The following IRAG1 variants were observed in gnomAD, a reference collection of about 807,000 sequenced individuals.
IRAG1 encodes the protein inositol 1,4,5-triphosphate receptor associated 1.
IRAG1 carries 62 observed loss-of-function variants against 106.2 expected under a neutral mutation model. That is an observed-to-expected ratio of 0.58 (90% confidence interval 0.48 to 0.72). The LOEUF is 0.72. Ranked by LOEUF, IRAG1 falls within the 30% of genes least tolerant of loss-of-function variation. The pLI is 0.00. For missense variants in IRAG1, 1,064 were observed against 1,140.7 expected, an observed-to-expected ratio of 0.93 and a Z score of 0.97; for synonymous variants, 462 against 443.9, an observed-to-expected ratio of 1.04 and a Z score of -0.51.
chr11:10,628,686 T>C lies in IRAG1; in HGVS notation c.652+65A>G, dbSNP rs1024354060. ...GCAGGCTGGGAGGCATGCTGATCTGTCCAGGCTGAGCTGCCACCCAGAGCG... is the reference window on the plus strand; with the variant it reads ...GCAGGCTGGGAGGCATGCTGATCTGCCCAGGCTGAGCTGCCACCCAGAGCG... On this transcript the variant is annotated intron_variant, in intron 6 of 20. Coordinates refer to ENST00000423302, the MANE Select transcript of IRAG1 (RefSeq NM_130385.4). The surrounding 1 kb of genome is among the most constrained non-coding windows in gnomAD (Gnocchi z 4.1). 1 of 1,352,026 alleles carries C rather than the reference T, an allele frequency of 7.4e-7. No individual in the cohort carries two copies. The highest frequency in any genetic ancestry group is 1.5e-5 in the African/African-American group (1 of 66,218). The allele number at this position is 1,352,026 out of a possible 1,614,324, so 83.8% of individuals were successfully genotyped here.
At chr11:10,643,591 ATCCTCCCTTCCT>A (rs945497220) in intron 2 of IRAG1, among the ~76,000 whole-genome samples, 1 of 152,088 alleles carries the variant, frequency 6.6e-6, no homozygotes, top group Non-Finnish European at 1.5e-5. Context: ...CATATCTACT[ATCCTCCCTTCCT>A]TCCTCCCTTC....
chr11:10,637,188 A>G (rs1035691), intron 2 of IRAG1, among the ~76,000 whole-genome samples: 97,232 of 152,028 alleles, frequency 0.64, 31,650 homozygotes, highest in East Asian at 0.98. Context: ...TAGAACATCT[A>G]TCATCCCCTA....
At position 10,581,904 on chromosome 11, in the gene IRAG1, T is replaced by A; in HGVS notation, c.2323A>T (p.Thr775Ser). 1 of 1,613,872 alleles carries A rather than the reference T, an allele frequency of 6.2e-7. No homozygotes were observed. The highest frequency in any genetic ancestry group is 8.5e-7 in the Non-Finnish European group (1 of 1,179,802). ...GCTTCTTCCTCCATCCTGGCCTTGGTCTCCTGACTAAGCTCCTCCAGGCAG... is the reference window on the plus strand; with the variant it reads ...GCTTCTTCCTCCATCCTGGCCTTGGACTCCTGACTAAGCTCCTCCAGGCAG... ...LSCLEELSQE[T>S]KARMEEEAYS... The change falls in exon 19 of 21, where the codon ACC (threonine) becomes TCC (serine). Residue 775 changes from threonine to serine, a missense_variant. Transcript: ENST00000423302.
In IRAG1 at chr11:10,647,637, G is replaced by T. The variant is rs1018326769; in HGVS notation, c.225+4388C>A. On this transcript the variant is annotated intron_variant, in intron 2 of 20. Transcript: ENST00000423302. The surrounding 1 kb of genome is among the most constrained non-coding windows in gnomAD (Gnocchi z 4.3). ...TCTTACAGCTAACATGAGCCTCTTT[G>T]TACCCTCAGGTTTACAAGGCACTTC... 2.0e-5 allele frequency among the ~76,000 whole-genome samples: 3 copies of T among 152,148 alleles called. No individual in the cohort carries two copies. Among genetic ancestry groups the T allele is most frequent in the African/African-American group, 7.2e-5 (3 of 41,436 alleles).
Position 10,628,858 on chromosome 11 carries a change from T to C in IRAG1, c.575-30A>G. The C allele has an allele frequency of 6.4e-7, 1 of 1,555,116 alleles. No individual in the cohort carries two copies. Among genetic ancestry groups the C allele is most frequent in the Non-Finnish European group, 8.7e-7 (1 of 1,149,904 alleles). On this transcript the variant is annotated intron_variant, in intron 5 of 20. Transcript: ENST00000423302. This position sits in a 1 kb window ranked among gnomAD's most constrained non-coding sequence, Gnocchi z 4.1. Reference sequence around the variant, plus strand: ...GAAGACAGACACAAATTGGCTGGCATTCATGAAGGTTTAGGACTTCAACCT... The same window carrying C: ...GAAGACAGACACAAATTGGCTGGCACTCATGAAGGTTTAGGACTTCAACCT...
intron 1 of IRAG1, among the ~76,000 whole-genome samples, chr11:10,667,141 G>GTT (rs1248005015): frequency 7.3e-6 from 1 of 137,836 alleles, no homozygotes; most frequent in African/African-American, 2.6e-5. Context: ...TTTTTTTTTC[G>GTT]TTTTTTTGTT....
intron 15 of IRAG1, among the ~76,000 whole-genome samples, chr11:10,598,186 G>T (rs752742708): frequency 6.6e-6 from 1 of 152,110 alleles, no homozygotes; most frequent in Non-Finnish European, 1.5e-5. Context: ...CAGACCACAG[G>T]CAAGTGCAAA....
In IRAG1 at chr11:10,598,986, G is replaced by A. The variant is rs535635270; in HGVS notation, c.2017+1932C>T. 1.6e-3 allele frequency among the ~76,000 whole-genome samples: 242 copies of A among 152,334 alleles called. 1 individual carries two copies. The highest frequency in any genetic ancestry group is 5.5e-3 in the African/African-American group (229 of 41,586). ...GGGAACAGTCATAGAGTATCTTATG[G>A]AAACACCTGCTGAGTGGTTACGGCC... is the stretch of plus-strand genomic sequence containing the variant. On this transcript the variant is annotated intron_variant, in intron 15 of 20. Transcript: ENST00000423302.
Position 10,617,696 on chromosome 11 carries a change from C to T in IRAG1, c.1447+6082G>A, listed in dbSNP as rs138008002. 3.2e-3 allele frequency among the ~76,000 whole-genome samples: 488 copies of T among 152,290 alleles called. 3 individuals are homozygous for T. Among genetic ancestry groups the T allele is most frequent in the African/African-American group, 0.011 (466 of 41,548 alleles). ...GTCTTCCTTCTCAAGCAAACTCCTC[C>T]TCCTGTCTCACAATTCATCACCCTC... On this transcript the variant is annotated intron_variant, in intron 10 of 20. Transcript: ENST00000423302.
At chr11:10,625,852 G>T in intron 9 of IRAG1, 114 bp downstream of exon 9, 1 of 1,113,444 alleles carries the variant, frequency 9.0e-7, no homozygotes, top group Non-Finnish European at 1.2e-6. Context: ...CCCTCACAAG[G>T]CCCAAGTCCA....
intron 1 of IRAG1, among the ~76,000 whole-genome samples, chr11:10,680,512 A>AGG (rs1554935765): frequency 7.6e-6 from 1 of 131,692 alleles, no homozygotes; most frequent in Admixed American, 7.3e-5. Context: ...AGAAAGGGAA[A>AGG]AAGAAAGGAA....
rs147855349 is a variant in IRAG1 at position 10,633,229 on chromosome 11, C to T, written c.329+739G>A. Among the ~76,000 whole-genome samples, 1,378 of 152,126 alleles carry T rather than the reference C, an allele frequency of 9.1e-3. 10 individuals are homozygous for T. Among genetic ancestry groups the T allele is most frequent in the African/African-American group, 0.028 (1,153 of 41,496 alleles). On this transcript the variant is annotated intron_variant, in intron 3 of 20. Transcript: ENST00000423302. ...AGCTGGGACTACAGGCGCCCGCCAC[C>T]ACACCCGGCTAATTTTTCTGTATTT...
At chr11:10,593,620 A>G (rs769729057) in intron 16 of IRAG1, 21 bp from the exon 17 acceptor site, 1 of 1,576,694 alleles carries the variant, frequency 6.3e-7, no homozygotes, top group East Asian at 2.2e-5. Flanking sequence ...AGAAGTGACC[A>G]GGCTCACTGT....
chr11:10,687,684 T>A (rs1861762336), intron 1 of IRAG1: 1 of 1,287,054 alleles, frequency 7.8e-7, no homozygotes, highest in African/African-American at 1.5e-5. Flanking sequence ...AGTCCACCAC[T>A]CTCCTTGCGG....
intron 2 of IRAG1, among the ~76,000 whole-genome samples, chr11:10,634,461 A>G (rs921691202): frequency 6.6e-6 from 1 of 152,174 alleles, no homozygotes. Flanking sequence ...TATTAACTAC[A>G]GTCACCGTGC....
At chr11:10,680,896 A>G (rs975374690) in intron 1 of IRAG1, among the ~76,000 whole-genome samples, 2 of 152,220 alleles carry the variant, frequency 1.3e-5, no homozygotes, top group Admixed American at 6.5e-5. Context: ...TATGTTACCT[A>G]TAATGCATAA....
chr11:10,663,332 T>C (rs138324232), intron 1 of IRAG1, among the ~76,000 whole-genome samples: 350 of 152,290 alleles, frequency 2.3e-3, no homozygotes, highest in African/African-American at 8.1e-3. Flanking sequence ...TTCCTAGTTT[T>C]CTTCTAGGAA....
chr11:10,690,350 G>A (rs1166228458), intron 1 of IRAG1: 3 of 1,265,538 alleles, frequency 2.4e-6, no homozygotes. Flanking sequence ...TCCAGCCTGG[G>A]TGACAGTGCG....
At chr11:10,672,524 C>T (rs1860317957) in intron 1 of IRAG1, among the ~76,000 whole-genome samples, 1 of 152,102 alleles carries the variant, frequency 6.6e-6, no homozygotes, top group Non-Finnish European at 1.5e-5. Flanking sequence ...TATTTGAATA[C>T]ACATGTCTCC....
Sources: gnomAD v4.1 joint callset for allele counts (sites outside exome capture counted in the v4.1 genomes callset) on GRCh38, gnomAD v4.1.1 for gene constraint, Gnocchi (gnomAD v3.1) non-coding constraint, MANE v1.5 for transcripts, NCBI Gene and HGNC (gene_info 2026-07-23, HGNC 2026-07-21) for gene names.